The following ARHGAP10 variants were observed in gnomAD, a reference collection of about 807,000 sequenced individuals.
ARHGAP10 encodes Rho GTPase activating protein 10, also known as rho GTPase-activating protein 10.
In ARHGAP10, 87 loss-of-function variants were observed where a neutral mutation model predicts 108.6. The ratio of observed to expected loss-of-function variants is 0.80; its 90% CI spans 0.67 to 0.96. The LOEUF is 0.96. Ranked by LOEUF, ARHGAP10 falls within the 40% of genes least tolerant of loss-of-function variation. The pLI, the probability that ARHGAP10 is intolerant of heterozygous loss-of-function variation, is 0.00. For synonymous variants in ARHGAP10, 347 were observed against 341.1 expected, an observed-to-expected ratio of 1.02 and a Z score of -0.19; for missense variants, 939 against 954.5, an observed-to-expected ratio of 0.98 and a Z score of 0.21.
At position 147,786,661 on chromosome 4, in the gene ARHGAP10, C is replaced by A. The variant is rs1026230322; in HGVS notation, c.155-36066C>A. Among the ~76,000 whole-genome samples, 3 of 152,106 alleles carry A rather than the reference C, an allele frequency of 2.0e-5. No individual in the cohort carries two copies. In the South Asian group the frequency reaches 6.2e-4, roughly 32 times the overall value. ...AAGCATTGGTAAATATTATGCAGGT[C>A]GTGCATATGGGATGGCATACATATG... On this transcript the variant is annotated intron_variant, in intron 1 of 22. Coordinates refer to ENST00000336498, the MANE Select transcript of ARHGAP10 (RefSeq NM_024605.4).
At chr4:147,768,506 A>G (rs1729923803) in intron 1 of ARHGAP10, among the ~76,000 whole-genome samples, 1 of 152,046 alleles carries the variant, frequency 6.6e-6, no homozygotes, top group Non-Finnish European at 1.5e-5. Context: ...CTAATTAAAA[A>G]AAAAAAGTAA....
intron 4 of ARHGAP10, among the ~76,000 whole-genome samples, chr4:147,852,387 A>G (rs1733906164): frequency 1.3e-5 from 2 of 152,158 alleles, no homozygotes; most frequent in Admixed American, 1.3e-4. Flanking sequence ...GTCTGGATTC[A>G]AGTGCTCCAT....
intron 22 of ARHGAP10, among the ~76,000 whole-genome samples, chr4:148,066,198 C>T (rs536017411): frequency 1.3e-4 from 20 of 152,296 alleles, no homozygotes; most frequent in African/African-American, 4.8e-4. Flanking sequence ...CATGGCCACA[C>T]TCTGGCGGAA....
At chr4:147,762,479 T>C (rs1357340019) in intron 1 of ARHGAP10, among the ~76,000 whole-genome samples, 1 of 150,196 alleles carries the variant, frequency 6.7e-6, no homozygotes, top group Non-Finnish European at 1.5e-5. Context: ...GTAGGTGAAC[T>C]AGCAAAAAAA....
chr4:147,964,631 G>A (rs535004058), intron 16 of ARHGAP10, among the ~76,000 whole-genome samples: 1 of 152,288 alleles, frequency 6.6e-6, no homozygotes, highest in South Asian at 2.1e-4. Context: ...ACATGCAATA[G>A]CCTATTTGCT....
rs1411745355 is a variant in ARHGAP10, at chr4:148,060,344, A to ACTTTT, written c.2028-2804_2028-2803insCTTTT. ...TGGTTACATAACGAAGCTCATGTTT[A>ACTTTT]GTTTTTTTTTTTTTTTTTTTTTGGC... On this transcript the variant is annotated intron_variant, in intron 20 of 22. Coordinates refer to ENST00000336498, the MANE Select transcript of ARHGAP10 (RefSeq NM_024605.4). 4.1e-5 allele frequency among the ~76,000 whole-genome samples: 5 copies of ACTTTT among 120,840 alleles called. 1 individual carries two copies. Among genetic ancestry groups the ACTTTT allele is most frequent in the Non-Finnish European group, 1.8e-5 (1 of 56,890 alleles). 79.3% of individuals were successfully genotyped at this position (120,840 alleles called of 152,430 possible).
chr4:148,068,073 C>T (rs550537146), intron 22 of ARHGAP10, among the ~76,000 whole-genome samples: 1 of 151,976 alleles, frequency 6.6e-6, no homozygotes, highest in Non-Finnish European at 1.5e-5. Context: ...TCCCTTTTCT[C>T]TGGGCCTGGG....
intron 9 of ARHGAP10, among the ~76,000 whole-genome samples, 189 bp downstream of exon 9, chr4:147,879,527 T>A (rs1325992494): frequency 6.6e-6 from 1 of 152,210 alleles, no homozygotes; most frequent in Non-Finnish European, 1.5e-5. Context: ...GTTTTCTGAA[T>A]TACATGCATG....
At chr4:147,896,341 G>T (rs1267738687) in intron 10 of ARHGAP10, among the ~76,000 whole-genome samples, 1 of 152,062 alleles carries the variant, frequency 6.6e-6, no homozygotes, top group Non-Finnish European at 1.5e-5. Flanking sequence ...AGTTTTCTTG[G>T]TGAGAAGTTT....
chr4:147,894,121 T>C (rs1355414608), intron 10 of ARHGAP10, among the ~76,000 whole-genome samples: 2 of 100,356 alleles, frequency 2.0e-5, no homozygotes, highest in African/African-American at 6.8e-5. Context: ...ATGTTTTTAT[T>C]AATCTTGCAT....
At chr4:147,998,741 G>A (rs568459739) in intron 18 of ARHGAP10, among the ~76,000 whole-genome samples, 1 of 152,302 alleles carries the variant, frequency 6.6e-6, no homozygotes, top group South Asian at 2.1e-4. Context: ...ATTCCTAAAA[G>A]CATTTGAGAA....
chr4:148,051,520 C>T (rs1245780837), intron 20 of ARHGAP10, among the ~76,000 whole-genome samples: 1 of 152,146 alleles, frequency 6.6e-6, no homozygotes, highest in Non-Finnish European at 1.5e-5. Flanking sequence ...AAAGGAACAC[C>T]TCCTTTTCTG....
rs1030824938 is a variant in ARHGAP10 at position 147,859,531 on chromosome 4, C to T, written c.486+1877C>T. 4.6e-5 allele frequency among the ~76,000 whole-genome samples: 7 copies of T among 152,314 alleles called. No homozygotes were observed. The East Asian group carries it at 1.3e-3, about 29-fold the overall frequency. On this transcript the variant is annotated intron_variant, in intron 5 of 22. Coordinates refer to ENST00000336498, the MANE Select transcript of ARHGAP10 (RefSeq NM_024605.4). Reference sequence around the variant, plus strand: ...TCAGGCGATCCACCCACCTTGGCCTCCCAAAGTGCTGGGATTACAGGCACG... The same window carrying T: ...TCAGGCGATCCACCCACCTTGGCCTTCCAAAGTGCTGGGATTACAGGCACG...
Position 147,796,377 on chromosome 4 carries a change from C to T in ARHGAP10, c.155-26350C>T, listed in dbSNP as rs572391056. On this transcript the variant is annotated intron_variant, in intron 1 of 22. Coordinates refer to ENST00000336498, the MANE Select transcript of ARHGAP10 (RefSeq NM_024605.4). ...TATCTGTGAGCATTTTTTTTAAAAG[C>T]GTAGTGGAAGGAGACACCTGGGAGG... Among the ~76,000 whole-genome samples, 19 of 151,796 alleles carry T rather than the reference C, an allele frequency of 1.3e-4. No individual in the cohort carries two copies. In the South Asian group the frequency reaches 3.8e-3, roughly 30 times the overall value.
chr4:148,026,692 T>C (rs73857327), intron 19 of ARHGAP10, among the ~76,000 whole-genome samples: 2 of 152,202 alleles, frequency 1.3e-5, no homozygotes, highest in South Asian at 4.1e-4. Flanking sequence ...CTTTGTGAGA[T>C]TCTCATCTTT....
chr4:147,996,261 A>G (rs1740472142), intron 18 of ARHGAP10, among the ~76,000 whole-genome samples: 1 of 152,262 alleles, frequency 6.6e-6, no homozygotes, highest in Non-Finnish European at 1.5e-5. Flanking sequence ...AGCCATCTCC[A>G]GCAATAAACA....
At chr4:147,997,537 G>A (rs1266560295) in intron 18 of ARHGAP10, among the ~76,000 whole-genome samples, 2 of 152,212 alleles carry the variant, frequency 1.3e-5, no homozygotes, top group East Asian at 3.8e-4. Context: ...AATGAAAGGA[G>A]AAAGACAGAT....
At chr4:147,883,684 A>T (rs971001523) in intron 10 of ARHGAP10, among the ~76,000 whole-genome samples, 2 of 151,676 alleles carry the variant, frequency 1.3e-5, no homozygotes, top group African/African-American at 4.8e-5. Context: ...CCCACATCTT[A>T]CCTTTTTCTT....
intron 3 of ARHGAP10, among the ~76,000 whole-genome samples, chr4:147,823,421 A>T (rs1391600175): frequency 6.6e-6 from 1 of 152,072 alleles, no homozygotes; most frequent in African/African-American, 2.4e-5. Flanking sequence ...GGTCTTTGAG[A>T]TCCCACTTTG....
Sources: gnomAD v4.1 joint callset for allele counts (sites outside exome capture counted in the v4.1 genomes callset) on GRCh38, gnomAD v4.1.1 for gene constraint, MANE v1.5 for transcripts, NCBI Gene and HGNC (gene_info 2026-07-23, HGNC 2026-07-21) for gene names.